Variants in DAB1 observed in about 807,000 individuals in gnomAD.
DAB1 encodes DAB adaptor protein 1, also known as disabled homolog 1.
Under a neutral mutation model 64.6 loss-of-function variants are expected in DAB1, and 15 were observed. That is an observed-to-expected ratio of 0.23 (90% confidence interval 0.16 to 0.36). The LOEUF is 0.36. DAB1 is among the 10% of genes least tolerant of loss of function. DAB1 has a pLI of 1.00. For synonymous variants in DAB1, 235 were observed against 251.9 expected, an observed-to-expected ratio of 0.93 and a Z score of 0.64; for missense variants, 596 against 706.7, an observed-to-expected ratio of 0.84 and a Z score of 1.78.
At chr1:58,080,655 C>T (rs746090613) in intron 5 of DAB1, among the ~76,000 whole-genome samples, 5 of 152,166 alleles carry the variant, frequency 3.3e-5, no homozygotes, top group African/African-American at 4.8e-5. Flanking sequence ...TCCTCACTGT[C>T]GTAGAATTTT....
intron 7 of DAB1, among the ~76,000 whole-genome samples, chr1:57,493,764 TCACA>T (rs397963642): frequency 0.033 from 4,916 of 148,202 alleles, 236 homozygotes; most frequent in African/African-American, 0.11. Context: ...TATTCACAGC[TCACA>T]CACACACACA....
intron 5 of DAB1, among the ~76,000 whole-genome samples, chr1:58,138,502 C>T (rs17116994): frequency 0.022 from 3,353 of 152,210 alleles, 48 homozygotes; most frequent in Middle Eastern, 0.054. Context: ...AGCACACAAA[C>T]AGGGAAGCAT....
At chr1:58,198,174 C>G (rs1258933785) in intron 4 of DAB1, among the ~76,000 whole-genome samples, 2 of 152,164 alleles carry the variant, frequency 1.3e-5, no homozygotes, top group Non-Finnish European at 2.9e-5. Context: ...GAGAGCTGTC[C>G]CAGCATCATA....
At chr1:58,046,216 A>C (rs1244564631) in intron 5 of DAB1, among the ~76,000 whole-genome samples, 1 of 152,194 alleles carries the variant, frequency 6.6e-6, no homozygotes, top group Admixed American at 6.5e-5. Context: ...TACTGAAGAA[A>C]AGCCTGGGAA....
At chr1:57,741,593 C>T (rs1164168853) in intron 6 of DAB1, among the ~76,000 whole-genome samples, 1 of 152,224 alleles carries the variant, frequency 6.6e-6, no homozygotes, top group Non-Finnish European at 1.5e-5. Flanking sequence ...TAATGCTCAG[C>T]CATTTCTCAG....
At chr1:58,496,537 A>T (rs1368949291) in intron 3 of DAB1, among the ~76,000 whole-genome samples, 1 of 152,120 alleles carries the variant, frequency 6.6e-6, no homozygotes, top group East Asian at 1.9e-4. Flanking sequence ...AGCTTATCTC[A>T]CTGGGGAACA....
upstream of DAB1, among the ~76,000 whole-genome samples, chr1:57,888,507 C>T (rs1644259103): frequency 6.6e-6 from 1 of 152,098 alleles, no homozygotes; most frequent in Admixed American, 6.5e-5. Context: ...AGTTTTACTC[C>T]TAGACACCTA....
intron 9 of DAB1, among the ~76,000 whole-genome samples, chr1:57,032,270 C>G (rs1320696375): frequency 1.3e-5 from 2 of 152,102 alleles, no homozygotes; most frequent in Admixed American, 6.6e-5. Context: ...ATGGGAGTTC[C>G]TACCTTGCAT....
chr1:57,662,074 G>T (rs974683056), intron 6 of DAB1, among the ~76,000 whole-genome samples: 1 of 152,102 alleles, frequency 6.6e-6, no homozygotes, highest in Non-Finnish European at 1.5e-5. Context: ...AGAGATTCCT[G>T]GCTGCTCAGG....
intron 6 of DAB1, among the ~76,000 whole-genome samples, chr1:57,653,467 A>G (rs1646279925): frequency 6.6e-6 from 1 of 152,182 alleles, no homozygotes; most frequent in African/African-American, 2.4e-5. Flanking sequence ...CTAATGATCC[A>G]TATTTGATGC....
rs1678838005 is a variant in DAB1 at position 57,353,918 on chromosome 1, C to T, written c.-136-62752G>A. Among the ~76,000 whole-genome samples the T allele has an allele frequency of 4.6e-5, 7 of 152,300 alleles. 1 individual carries two copies. Among genetic ancestry groups the T allele is most frequent in the African/African-American group, 1.7e-4 (7 of 41,570 alleles). On this transcript the variant is annotated intron_variant, in intron 1 of 14. Coordinates refer to ENST00000371236, the MANE Select transcript of DAB1 (RefSeq NM_001365792.1). ...GATGTTATCTATAAACACCTCAAAG[C>T]TTCTTTTCCTTTCACTTAAAAATTC...
intron 9 of DAB1, among the ~76,000 whole-genome samples, chr1:57,032,701 G>C (rs1254949050): frequency 6.6e-6 from 1 of 152,164 alleles, no homozygotes; most frequent in Admixed American, 6.5e-5. Flanking sequence ...CTAGTCACTG[G>C]AACTTGGAAA....
At chr1:57,726,029 C>G (rs2101765822) in intron 6 of DAB1, among the ~76,000 whole-genome samples, 1 of 152,320 alleles carries the variant, frequency 6.6e-6, no homozygotes, top group African/African-American at 2.4e-5. Context: ...GCTGGGATTA[C>G]AGGTGGGAGC....
At chr1:57,071,244 G>C (rs954731465) in intron 6 of DAB1, 183 bp from the exon 7 acceptor site, 1 of 663,820 alleles carries the variant, frequency 1.5e-6, no homozygotes, top group Non-Finnish European at 2.5e-6. Flanking sequence ...ACCTCCACCC[G>C]CACTGTTAAC....
chr1:57,754,056 A>G (rs1648678726), intron 6 of DAB1, among the ~76,000 whole-genome samples: 1 of 152,196 alleles, frequency 6.6e-6, no homozygotes, highest in Non-Finnish European at 1.5e-5. Flanking sequence ...AGGCAGAGCA[A>G]GAATGAGAGC....
At chr1:57,306,635 C>G (rs1027493562) in intron 1 of DAB1, among the ~76,000 whole-genome samples, 4 of 149,834 alleles carry the variant, frequency 2.7e-5, no homozygotes, top group African/African-American at 4.9e-5. Flanking sequence ...ATTCGGAAAA[C>G]AGTTTAGATT....
intron 5 of DAB1, among the ~76,000 whole-genome samples, chr1:57,998,874 AT>A (rs1646467159): frequency 6.6e-6 from 1 of 152,260 alleles, no homozygotes; most frequent in South Asian, 2.1e-4. Context: ...ACTTGTTCTT[AT>A]TGCCAAGTAT....
chr1:57,296,833 A>G (rs977575732), intron 1 of DAB1, among the ~76,000 whole-genome samples: 5 of 152,176 alleles, frequency 3.3e-5, no homozygotes, highest in African/African-American at 9.7e-5. Flanking sequence ...CCATCAGAGT[A>G]AAGACTGGTC....
At chr1:58,374,268 G>C (rs1644301246) in intron 3 of DAB1, among the ~76,000 whole-genome samples, 1 of 127,758 alleles carries the variant, frequency 7.8e-6, no homozygotes, top group Admixed American at 8.4e-5. Flanking sequence ...CCTATGTCCT[G>C]AATGGTAATG....
Sources: gnomAD v4.1 joint callset for allele counts (sites outside exome capture counted in the v4.1 genomes callset) on GRCh38, gnomAD v4.1.1 for gene constraint, MANE v1.5 for transcripts, NCBI Gene and HGNC (gene_info 2026-07-23, HGNC 2026-07-21) for gene names.